SLC40A1: variants seen among roughly 807,000 people sequenced by gnomAD.
SLC40A1 encodes the protein solute carrier family 40 member 1, also known as ferroportin.
In SLC40A1, 16 loss-of-function variants were observed where a neutral mutation model predicts 53.5. The ratio of observed to expected loss-of-function variants is 0.30; its 90% CI spans 0.20 to 0.45. The LOEUF (loss-of-function observed/expected upper bound fraction) is 0.45. Among genes scored for constraint, SLC40A1 ranks in the 20% least tolerant of loss-of-function variants. The probability of loss-of-function intolerance (pLI) is 1.00; values close to 1 mark genes in which losing one functional copy is unlikely to be tolerated. For missense variants in SLC40A1, 545 were observed against 695.4 expected (o/e 0.78, Z 2.43); for synonymous variants, 247 against 253.2 (o/e 0.98, Z 0.23).
Position 189,575,050 on chromosome 2 carries a change from T to C in SLC40A1, c.271+111A>G, listed in dbSNP as rs1026903153. On this transcript the variant is annotated intron_variant, in intron 3 of 7. Coordinates refer to ENST00000261024, the MANE Select transcript of SLC40A1 (RefSeq NM_014585.6). ...AAGCCCTCCTCCCTCAAGTGTGGCA[T>C]GCAGACATTCCCTGGTTGTTTCTCT... The C allele has an allele frequency of 4.9e-5, 61 of 1,241,028 alleles. No individual in the cohort carries two copies. In the African/African-American group the frequency reaches 8.3e-4, roughly 17 times the overall value. 76.9% of individuals were successfully genotyped at this position (1,241,028 alleles called of 1,614,324 possible).
chr2:189,572,837 A>C lies in SLC40A1; in HGVS notation c.387+9T>G, dbSNP rs1224752042. On this transcript the variant is annotated intron_variant, in intron 4 of 7. Coordinates refer to ENST00000261024, the MANE Select transcript of SLC40A1 (RefSeq NM_014585.6). ...TTTTCTGCCATCAAGAATCTCATTG[A>C]GAACTTACGAGAACCCATCCATGGT... 3 of 1,565,010 alleles carry C rather than the reference A, an allele frequency of 1.9e-6. No individual in the cohort carries two copies. In the South Asian group the frequency reaches 3.3e-5, roughly 17 times the overall value.
rs1304159170 is a variant in SLC40A1 at position 189,575,204 on chromosome 2, T to C, written c.228A>G (p.Gly76=). The C allele has an allele frequency of 6.2e-7, 1 of 1,614,104 alleles. No homozygotes were observed. Among genetic ancestry groups the C allele is most frequent in the Non-Finnish European group, 8.5e-7 (1 of 1,179,974 alleles). ...LVVAGSVLVL[G]AIIGDWVDKN... is the part of the protein sequence containing the mutation. ...TGTCCACCCAGTCACCGATGATGGC[T>C]CCCAGGACCAGAACAGACCCTGCCA... The change falls in exon 3 of 8, where the codon GGA becomes GGG. Residue 76 remains glycine, a synonymous_variant. Coordinates refer to ENST00000261024, the MANE Select transcript of SLC40A1 (RefSeq NM_014585.6).
In SLC40A1 at chr2:189,566,685, T is replaced by C. The variant is rs542829013; in HGVS notation, c.515-1086A>G. 3.0e-4 allele frequency among the ~76,000 whole-genome samples: 46 copies of C among 152,200 alleles called. 1 individual carries two copies. The South Asian group carries it at 7.9e-3, about 26-fold the overall frequency. ...CCACATATATGGCTTCAGGTACAGG[T>C]AGGAAGAGAGACATGATGGTGGAAT... On this transcript the variant is annotated intron_variant, in intron 5 of 7. Transcript: ENST00000261024.
intron 2 of SLC40A1, among the ~76,000 whole-genome samples, chr2:189,579,131 G>C (rs1028789479): frequency 1.3e-5 from 2 of 152,164 alleles, no homozygotes; most frequent in African/African-American, 4.8e-5. Flanking sequence ...TAGGAGCCCA[G>C]ATCTACAGAA....
At chr2:189,569,018 T>C (rs777830954) in intron 5 of SLC40A1, among the ~76,000 whole-genome samples, 1 of 152,234 alleles carries the variant, frequency 6.6e-6, no homozygotes, top group Non-Finnish European at 1.5e-5. Context: ...ACCTAGAAAG[T>C]ACCTAAATTA....
intron 5 of SLC40A1, among the ~76,000 whole-genome samples, chr2:189,566,910 C>T (rs978376286): frequency 2.0e-5 from 3 of 152,200 alleles, no homozygotes; most frequent in African/African-American, 4.8e-5. Context: ...AAAGGACCAA[C>T]TCTGTGGCCC....
Position 189,580,428 on chromosome 2 carries a change from T to C in SLC40A1, c.33A>G (p.Arg11=), listed in dbSNP as rs1428039193. The C allele has an allele frequency of 6.2e-7, 1 of 1,613,886 alleles. No individual in the cohort carries two copies. The highest frequency in any genetic ancestry group is 1.7e-5 in the Admixed American group (1 of 60,024). Residue 11 remains arginine (R), a synonymous_variant, in exon 1 of 8, where the codon AGA becomes AGG. Transcript: ENST00000261024. ...GTCAACGACACTCACCACAGCATCC[T>C]CTCTGGCGGTTGTGATCTCCCGCCC... MTRAGDHNRQ[R]GCCGSLADYL... is the part of the protein sequence containing the mutation.
chr2:189,563,702 A>G lies in SLC40A1; in HGVS notation c.1284T>C (p.Thr428=), dbSNP rs746853063. The G allele has an allele frequency of 2.5e-6, 4 of 1,614,176 alleles. No individual in the cohort carries two copies. Among genetic ancestry groups the G allele is most frequent in the Non-Finnish European group, 3.4e-6 (4 of 1,180,010 alleles). The change falls in exon 7 of 8, where the codon ACT becomes ACC. Residue 428 remains threonine (T), a synonymous_variant. Transcript: ENST00000261024. The part of the protein sequence containing the change: ...ITPTKIPEIT[T]EIYMSNGSNS... ...TAGACCCATTAGACATGTATATTTC[A>G]GTTGTAATTTCAGGTATCTTGGTAG...
At chr2:189,570,639 C>G (rs999196959) in intron 5 of SLC40A1, among the ~76,000 whole-genome samples, 1 of 152,170 alleles carries the variant, frequency 6.6e-6, no homozygotes, top group Non-Finnish European at 1.5e-5. Flanking sequence ...TGTGGAATTT[C>G]TAACTCAATA....
At chr2:189,562,266 T>TGA in intron 7 of SLC40A1, 75 bp from the exon 8 acceptor site, 4 of 1,164,348 alleles carry the variant, frequency 3.4e-6, no homozygotes, top group Non-Finnish European at 4.9e-6. Flanking sequence ...TAAAAATCTG[T>TGA]TGACATATGC....
intron 5 of SLC40A1, among the ~76,000 whole-genome samples, chr2:189,570,097 T>G (rs2031080420): frequency 6.6e-6 from 1 of 150,874 alleles, no homozygotes; most frequent in South Asian, 2.1e-4. Flanking sequence ...TATGTATGTG[T>G]GTATATATAT....
In SLC40A1 at chr2:189,575,333, G is replaced by C; in HGVS notation, c.112-13C>G. On this transcript the variant is annotated splice_polypyrimidine_tract_variant and intron_variant, in intron 2 of 7. Coordinates refer to ENST00000261024, the MANE Select transcript of SLC40A1 (RefSeq NM_014585.6). ...ACATCCGATCTCCCTTAAATGAAAA[G>C]AGAAAATGTTTTGATGGAATATTTT... 1.2e-6 allele frequency: 2 copies of C among 1,613,972 alleles called. No homozygotes were observed. Among genetic ancestry groups the C allele is most frequent in the African/African-American group, 1.3e-5 (1 of 75,038 alleles).
In SLC40A1 at chr2:189,562,119, A is replaced by G. The variant is rs1214251004; in HGVS notation, c.1475T>C (p.Ile492Thr). The change falls in exon 8 of 8, where the codon ATA (isoleucine) becomes ACA (threonine). Residue 492 changes from isoleucine to threonine, a missense_variant. Ile to Thr is a moderately conservative substitution (Grantham distance 89). Transcript: ENST00000261024. The stretch of plus-strand genomic sequence containing the variant: ...GTTCATGGAGTTCTGTACACCATTT[A>G]TAATGCCTCTTTCAGATTCAATTAC... ...ENVIESERGI[I>T]NGVQNSMNYL... 6.2e-7 allele frequency: 1 copy of G among 1,613,980 alleles called. No individual in the cohort carries two copies. The highest frequency in any genetic ancestry group is 1.1e-5 in the South Asian group (1 of 91,072).
At chr2:189,578,916 A>G (rs1245037215) in intron 2 of SLC40A1, among the ~76,000 whole-genome samples, 1 of 152,270 alleles carries the variant, frequency 6.6e-6, no homozygotes, top group Non-Finnish European at 1.5e-5. Flanking sequence ...ATGATCCAAT[A>G]TAAGTTTCCA....
chr2:189,572,985 GTACAT>G (rs781723706), intron 3 of SLC40A1, 24 bp from the exon 4 acceptor site: 1 of 1,471,586 alleles, frequency 6.8e-7, no homozygotes, highest in Non-Finnish European at 9.5e-7. Flanking sequence ...GAGAGAAAGT[GTACAT>G]TACATCAAAA....
rs149517113 is a variant in SLC40A1 at position 189,564,109 on chromosome 2, G to A, written c.877C>T (p.Arg293Cys). Reference protein sequence around the residue: ...TCASQMAEPFRTFRDGWVSYY... With the variant: ...TCASQMAEPFCTFRDGWVSYY... ...GAGACCCATCCATCTCGGAAGGTAC[G>A]GAAGGGCTCAGCCATCTGGGAGGCA... Residue 293 changes from arginine to cysteine, a missense_variant, in exon 7 of 8, where the codon CGT becomes TGT. Arg to Cys is a radical substitution (Grantham distance 180, BLOSUM62 -3). Transcript: ENST00000261024. The A allele has an allele frequency of 6.9e-5, 112 of 1,611,602 alleles. No individual in the cohort carries two copies. The African/African-American group carries it at 9.6e-4, about 14-fold the overall frequency.
intron 4 of SLC40A1, 148 bp from the exon 5 acceptor site, chr2:189,571,989 G>GT: frequency 1.5e-6 from 1 of 662,602 alleles, no homozygotes; most frequent in South Asian, 1.7e-5. Flanking sequence ...TTACGTTATA[G>GT]ATATGAAACT....
intron 5 of SLC40A1, among the ~76,000 whole-genome samples, chr2:189,568,963 G>A (rs1391956190): frequency 1.3e-5 from 2 of 152,218 alleles, no homozygotes; most frequent in African/African-American, 2.4e-5. Flanking sequence ...AGATTCAAAC[G>A]TGGCACAAGA....
chr2:189,574,201 G>A (rs558372529), intron 3 of SLC40A1, among the ~76,000 whole-genome samples: 47 of 152,232 alleles, frequency 3.1e-4, no homozygotes, highest in African/African-American at 1.1e-3. Flanking sequence ...TATGATTGCA[G>A]TGCTCAACAA....
Sources: gnomAD v4.1 joint callset for allele counts (sites outside exome capture counted in the v4.1 genomes callset) on GRCh38, gnomAD v4.1.1 for gene constraint, MANE v1.5 for transcripts, NCBI Gene and HGNC (gene_info 2026-07-23, HGNC 2026-07-21) for gene names.